SMIM31: variants seen among roughly 807,000 people sequenced by gnomAD.
The protein encoded by SMIM31 is human epithelial cell program regulator.
At chr4:164,788,123 T>A (rs943859693) in intron 2 of SMIM31, among the ~76,000 whole-genome samples, 1 of 152,178 alleles carries the variant, frequency 6.6e-6, no homozygotes, top group Non-Finnish European at 1.5e-5. Flanking sequence ...AAAATAAATA[T>A]CGTCAGCAAT....
intron 2 of SMIM31, among the ~76,000 whole-genome samples, chr4:164,799,262 G>A (rs979212683): frequency 9.9e-5 from 15 of 151,950 alleles, no homozygotes; most frequent in East Asian, 3.9e-4. Context: ...GCACATACCC[G>A]TAATCCCAGC....
chr4:164,795,303 A>C (rs1457780358), intron 2 of SMIM31, among the ~76,000 whole-genome samples: 1 of 152,216 alleles, frequency 6.6e-6, no homozygotes, highest in Non-Finnish European at 1.5e-5. Flanking sequence ...TACACCTGTA[A>C]TCCCAGCACT....
At chr4:164,793,612 G>T (rs1235334671) in intron 2 of SMIM31, among the ~76,000 whole-genome samples, 1 of 152,146 alleles carries the variant, frequency 6.6e-6, no homozygotes, top group Non-Finnish European at 1.5e-5. Context: ...TTGCTTACAT[G>T]ATTTCTTCTT....
chr4:164,771,327 G>A (rs1345183797), intron 2 of SMIM31, among the ~76,000 whole-genome samples: 1 of 152,090 alleles, frequency 6.6e-6, no homozygotes, highest in Non-Finnish European at 1.5e-5. Flanking sequence ...GTTTAAAATG[G>A]GTTTGGCTAA....
intron 1 of SMIM31, among the ~76,000 whole-genome samples, 171 bp downstream of exon 1, chr4:164,754,582 TA>T (rs956696715): frequency 2.1e-5 from 3 of 145,468 alleles, no homozygotes; most frequent in South Asian, 2.2e-4. Context: ...TTTTTGCTGT[TA>T]AAAAAAATGG....
intron 1 of SMIM31, among the ~76,000 whole-genome samples, chr4:164,761,055 T>A (rs1207476864): frequency 6.6e-6 from 1 of 152,240 alleles, no homozygotes; most frequent in Non-Finnish European, 1.5e-5. Context: ...TGCCCATCTA[T>A]GATAAATATT....
chr4:164,773,327 C>T (rs376747692), intron 2 of SMIM31, among the ~76,000 whole-genome samples: 111 of 152,264 alleles, frequency 7.3e-4, no homozygotes, highest in African/African-American at 2.6e-3. Flanking sequence ...TTCTCAAAGC[C>T]TCTGTGTTAG....
At chr4:164,768,585 A>G (rs1732752530) in intron 1 of SMIM31, among the ~76,000 whole-genome samples, 1 of 152,214 alleles carries the variant, frequency 6.6e-6, no homozygotes. Context: ...TTCTAGGCGT[A>G]GGACAAAACT....
At chr4:164,758,801 A>ATT (rs35632469) in intron 1 of SMIM31, among the ~76,000 whole-genome samples, 44 of 60,910 alleles carry the variant, frequency 7.2e-4, no homozygotes, top group Non-Finnish European at 1.0e-3. Flanking sequence ...GCCCGGCCAA[A>ATT]TTTTTTTTTT....
chr4:164,789,186 A>G (rs1437516414), intron 2 of SMIM31, among the ~76,000 whole-genome samples: 1 of 152,212 alleles, frequency 6.6e-6, no homozygotes, highest in Non-Finnish European at 1.5e-5. Flanking sequence ...TAGCCTCTGA[A>G]TGTTTGCGGA....
chr4:164,764,772 G>A (rs758737154), intron 1 of SMIM31, among the ~76,000 whole-genome samples: 2 of 152,094 alleles, frequency 1.3e-5, no homozygotes, highest in Non-Finnish European at 2.9e-5. Context: ...AGGAAAGAAA[G>A]CCCAGGCAAC....
intron 2 of SMIM31, among the ~76,000 whole-genome samples, chr4:164,796,773 T>C (rs1733203036): frequency 6.6e-6 from 1 of 152,196 alleles, no homozygotes; most frequent in South Asian, 2.1e-4. Context: ...TTACATTCCT[T>C]AAACTTCCAC....
chr4:164,772,585 A>ATTTTATTTT lies in SMIM31; in HGVS notation c.112+2034_112+2035insATTTTTTTT, dbSNP rs70952642. Among the ~76,000 whole-genome samples, 348 of 142,756 alleles carry ATTTTATTTT rather than the reference A, an allele frequency of 2.4e-3. 5 individuals carry two copies. The highest frequency in any genetic ancestry group is 3.9e-3 in the African/African-American group (154 of 39,042). The allele number at this position is 142,756 out of a possible 152,430, so 93.7% of individuals were successfully genotyped here. A position where few individuals can be genotyped will look rare whatever the true frequency, so the allele number is the denominator to read the frequency against. ...GTTTTATTTTTTTTATTTTTATTTT[A>ATTTTATTTT]TTTTTTTTTTTGAGACGGAGTCTCG... On this transcript the variant is annotated intron_variant, in intron 2 of 2. Transcript: ENST00000507311.
chr4:164,782,379 T>TA (rs1195512919), intron 2 of SMIM31, among the ~76,000 whole-genome samples: 1 of 140,022 alleles, frequency 7.1e-6, no homozygotes, highest in Non-Finnish European at 1.6e-5. Flanking sequence ...TTTCTTTTAT[T>TA]TTTTTTTTTT....
At chr4:164,760,568 T>TAAA (rs557714327) in intron 1 of SMIM31, among the ~76,000 whole-genome samples, 1 of 141,452 alleles carries the variant, frequency 7.1e-6, no homozygotes, top group Non-Finnish European at 1.5e-5. Flanking sequence ...CCAACTCTAC[T>TAAA]AAAAAAAAAA....
intron 2 of SMIM31, among the ~76,000 whole-genome samples, chr4:164,791,148 C>T (rs1321149635): frequency 2.0e-5 from 3 of 152,174 alleles, no homozygotes; most frequent in South Asian, 2.1e-4. Context: ...TTTATAGCTA[C>T]TTCTAATGTT....
chr4:164,785,484 T>A (rs900012393), intron 2 of SMIM31, among the ~76,000 whole-genome samples: 1 of 152,088 alleles, frequency 6.6e-6, no homozygotes, highest in Non-Finnish European at 1.5e-5. Flanking sequence ...TTTGTGAGAA[T>A]CAAATGGTAT....
chr4:164,792,850 A>G (rs1194240003), intron 2 of SMIM31, among the ~76,000 whole-genome samples: 1 of 152,200 alleles, frequency 6.6e-6, no homozygotes, highest in Non-Finnish European at 1.5e-5. Context: ...TGGAAGACTC[A>G]TATTTCCTGA....
intron 1 of SMIM31, among the ~76,000 whole-genome samples, chr4:164,762,628 A>G (rs891913688): frequency 7.0e-6 from 1 of 141,876 alleles, no homozygotes; most frequent in Non-Finnish European, 1.5e-5. Flanking sequence ...GCACCACTGC[A>G]CTCCAGTCTG....
Sources: allele counts gnomAD v4.1 joint callset (sites outside exome capture counted in the v4.1 genomes callset), GRCh38; gene constraint gnomAD v4.1.1; transcripts MANE v1.5; gene names NCBI Gene and HGNC (gene_info 2026-07-23, HGNC 2026-07-21).